The following PRELID2 variants were observed in gnomAD, a reference collection of about 807,000 sequenced individuals.
The protein encoded by PRELID2 is PRELI domain containing 2, also known as PRELI domain-containing protein 2.
In PRELID2, 25 loss-of-function variants were observed where a neutral mutation model predicts 28.4. The ratio of observed to expected loss-of-function variants is 0.88; its 90% CI spans 0.64 to 1.23. PRELID2 has a LOEUF of 1.23. Among genes scored for constraint, PRELID2 ranks in the 50% most tolerant of loss-of-function variants. The pLI is 0.00. For synonymous variants in PRELID2, 76 were observed against 71.6 expected, an observed-to-expected ratio of 1.06 and a Z score of -0.31; for missense variants, 201 against 214.4, an observed-to-expected ratio of 0.94 and a Z score of 0.39.
intron 1 of PRELID2, among the ~76,000 whole-genome samples, chr5:145,495,347 T>C (rs991368358): frequency 3.3e-5 from 5 of 152,220 alleles, no homozygotes; most frequent in Non-Finnish European, 7.3e-5. Context: ...CAGAATCTGC[T>C]AGAACTATTT....
rs146669929 is a variant in PRELID2 at position 145,762,440 on chromosome 5, G to A, written c.*11-1915C>T. Among the ~76,000 whole-genome samples, 804 of 152,070 alleles carry A rather than the reference G, an allele frequency of 5.3e-3. 21 individuals carry two copies. Among genetic ancestry groups the A allele is most frequent in the East Asian group, 3.1e-3 (16 of 5,168 alleles). On this transcript the variant is annotated intron_variant, in intron 6 of 6. Coordinates refer to ENST00000683046, the MANE Select transcript of PRELID2 (RefSeq NM_205846.3). Reference sequence around the variant, plus strand: ...TGGTCCCAGCTACTAAGGGGGCTGAGGTGTGAGGATTGCTTGAACCCCAGA... The same window carrying A: ...TGGTCCCAGCTACTAAGGGGGCTGAAGTGTGAGGATTGCTTGAACCCCAGA...
At chr5:145,536,218 T>C (rs1752697651) in intron 1 of PRELID2, among the ~76,000 whole-genome samples, 1 of 151,932 alleles carries the variant, frequency 6.6e-6, no homozygotes, top group South Asian at 2.1e-4. Flanking sequence ...ATGCATGCTT[T>C]ATCACTGCAA....
chr5:145,587,045 T>A (rs1035063131), intron 1 of PRELID2, among the ~76,000 whole-genome samples: 1 of 152,162 alleles, frequency 6.6e-6, no homozygotes, highest in African/African-American at 2.4e-5. Context: ...AGAGTCTATC[T>A]GGCCTGCTAT....
At chr5:145,705,621 G>A (rs1043667122) in intron 1 of PRELID2, among the ~76,000 whole-genome samples, 1 of 152,014 alleles carries the variant, frequency 6.6e-6, no homozygotes, top group African/African-American at 2.4e-5. Context: ...TGTTTATACC[G>A]GGGTCAACAA....
In PRELID2 at chr5:145,780,766, C is replaced by T. The variant is rs527636707; in HGVS notation, c.474+15676G>A. On this transcript the variant is annotated intron_variant, in intron 5 of 6. Transcript: ENST00000683046. The stretch of plus-strand genomic sequence containing the variant: ...ATGTCTAAAAATAACAAAAGCTACA[C>T]TCTACTAAAAGCCCCTGATTGAGGA... Among the ~76,000 whole-genome samples the T allele has an allele frequency of 5.3e-5, 8 of 152,202 alleles. No homozygotes were observed. The East Asian group carries it at 1.4e-3, about 26-fold the overall frequency.
At chr5:145,731,366 C>T (rs929821998) in intron 1 of PRELID2, among the ~76,000 whole-genome samples, 1 of 152,184 alleles carries the variant, frequency 6.6e-6, no homozygotes, top group African/African-American at 2.4e-5. Context: ...AAGATGCATA[C>T]TGACAGGGAA....
chr5:145,284,320 T>C, the PRELID2 span, among the ~76,000 whole-genome samples: 6 of 152,098 alleles, frequency 3.9e-5, no homozygotes, highest in Non-Finnish European at 7.4e-5. Flanking sequence ...CTAGGTTCAG[T>C]AGAGAAAATA....
intron 1 of PRELID2, among the ~76,000 whole-genome samples, chr5:145,682,107 T>G (rs955187967): frequency 1.7e-4 from 25 of 150,600 alleles, no homozygotes; most frequent in African/African-American, 5.1e-4. Flanking sequence ...GCAGGAGTGG[T>G]GTTTAGAATA....
chr5:145,488,390 G>A (rs1274386407), intron 1 of PRELID2, among the ~76,000 whole-genome samples: 13 of 152,154 alleles, frequency 8.5e-5, no homozygotes, highest in Admixed American at 6.5e-4. Context: ...CAGCAACTCC[G>A]TGGAATTTGA....
intron 1 of PRELID2, among the ~76,000 whole-genome samples, chr5:145,516,772 A>G (rs1752520694): frequency 6.6e-6 from 1 of 152,198 alleles, no homozygotes; most frequent in Non-Finnish European, 1.5e-5. Context: ...ACAGCATGGT[A>G]CTGGTACCAA....
intron 1 of PRELID2, among the ~76,000 whole-genome samples, chr5:145,603,463 T>C (rs188457811): frequency 6.6e-6 from 1 of 152,258 alleles, no homozygotes; most frequent in African/African-American, 2.4e-5. Context: ...TTCTACCAAG[T>C]GAATGTATGC....
At chr5:145,597,097 A>T (rs1045709253) in intron 1 of PRELID2, among the ~76,000 whole-genome samples, 2 of 152,338 alleles carry the variant, frequency 1.3e-5, no homozygotes, top group African/African-American at 4.8e-5. Context: ...TGTTACTATT[A>T]CAAGCTCAAA....
At chr5:145,387,760 T>G in the PRELID2 span, among the ~76,000 whole-genome samples, 1 of 151,810 alleles carries the variant, frequency 6.6e-6, no homozygotes, top group Non-Finnish European at 1.5e-5. Context: ...AAGGAGACCC[T>G]GTCTGTACAA....
the PRELID2 span, among the ~76,000 whole-genome samples, chr5:145,307,176 T>C: frequency 6.6e-6 from 1 of 152,194 alleles, no homozygotes; most frequent in South Asian, 2.1e-4. Context: ...TGCCATTTCA[T>C]TTCAGGAGGA....
chr5:145,335,760 C>A, the PRELID2 span, among the ~76,000 whole-genome samples: 6 of 152,234 alleles, frequency 3.9e-5, no homozygotes, highest in East Asian at 9.7e-4. Context: ...GCTCAAAGAA[C>A]CTTGCATAGT....
intron 1 of PRELID2, among the ~76,000 whole-genome samples, chr5:145,612,126 T>C (rs1054490552): frequency 6.6e-6 from 1 of 152,158 alleles, no homozygotes; most frequent in Non-Finnish European, 1.5e-5. Context: ...TCATACAATA[T>C]ATAAAAATCG....
downstream of PRELID2, among the ~76,000 whole-genome samples, chr5:145,470,317 C>T (rs939400739): frequency 6.6e-6 from 1 of 152,108 alleles, no homozygotes; most frequent in Non-Finnish European, 1.5e-5. Context: ...CTAGATTTGA[C>T]TCAGGGCTGT....
At chr5:145,401,873 T>C in the PRELID2 span, among the ~76,000 whole-genome samples, 1 of 152,224 alleles carries the variant, frequency 6.6e-6, no homozygotes, top group South Asian at 2.1e-4. Flanking sequence ...ACTGAAGCTC[T>C]TTCCCTCTCG....
intron 1 of PRELID2, among the ~76,000 whole-genome samples, chr5:145,533,003 G>A (rs1752667438): frequency 6.6e-6 from 1 of 152,010 alleles, no homozygotes; most frequent in South Asian, 2.1e-4. Flanking sequence ...TAGGTCATAT[G>A]GTAATTCTAT....
Sources: gnomAD v4.1 joint callset for allele counts (sites outside exome capture counted in the v4.1 genomes callset) on GRCh38, gnomAD v4.1.1 for gene constraint, MANE v1.5 for transcripts, NCBI Gene and HGNC (gene_info 2026-07-23, HGNC 2026-07-21) for gene names.